Variants in MEGF9 observed in about 807,000 individuals in gnomAD.
MEGF9 encodes the protein multiple epidermal growth factor-like domains protein 9.
MEGF9 carries 6 observed loss-of-function variants against 46.8 expected under a neutral mutation model. The observed-to-expected ratio is 0.13, with a 90% CI of 0.07 to 0.25. The LOEUF (loss-of-function observed/expected upper bound fraction) is 0.25, where lower values mean the gene tolerates loss of function less well. MEGF9 is among the 10% of genes least tolerant of loss of function. The probability of loss-of-function intolerance (pLI) is 1.00; values close to 1 mark genes in which losing one functional copy is unlikely to be tolerated. For missense variants in MEGF9, 683 were observed against 792.4 expected, an observed-to-expected ratio of 0.86 and a Z score of 1.66; for synonymous variants, 302 against 330.7, an observed-to-expected ratio of 0.91 and a Z score of 0.94.
chr9:120,711,871 A>ACACACACACACCC (rs145059704), intron 1 of MEGF9, among the ~76,000 whole-genome samples: 5 of 150,104 alleles, frequency 3.3e-5, no homozygotes, highest in African/African-American at 1.2e-4. Context: ...ACACACACAC[A>ACACACACACACCC]CCCACAGGCC....
At chr9:120,692,678 T>C (rs2043854643) in intron 1 of MEGF9, among the ~76,000 whole-genome samples, 1 of 152,084 alleles carries the variant, frequency 6.6e-6, no homozygotes, top group Admixed American at 6.6e-5. Flanking sequence ...TTCATGTACC[T>C]TTTCCTCCCC....
intron 1 of MEGF9, among the ~76,000 whole-genome samples, chr9:120,675,785 G>A (rs373131443): frequency 6.6e-6 from 1 of 151,246 alleles, no homozygotes; most frequent in Non-Finnish European, 1.5e-5. Context: ...CTACTCTGAA[G>A]GCTGAGGCAG....
At chr9:120,653,657 C>A (rs576162024) in intron 2 of MEGF9, among the ~76,000 whole-genome samples, 2 of 152,182 alleles carry the variant, frequency 1.3e-5, no homozygotes, top group Admixed American at 6.5e-5. Context: ...CAGGCGTGGG[C>A]CACCGCGCCC....
Position 120,605,136 on chromosome 9 carries a change from T to G in MEGF9, c.*54A>C, listed in dbSNP as rs914166767. On this transcript the variant is annotated 3_prime_UTR_variant, in exon 6 of 6. Coordinates refer to ENST00000373930, the MANE Select transcript of MEGF9 (RefSeq NM_001080497.3). This position sits in a 1 kb window ranked among gnomAD's most constrained non-coding sequence, Gnocchi z 4.0. ...GCCAGGCTTTGTCTGGCCCAGGGGC[T>G]GACTCTGTCTTAGCAAGCACTGTGG... 5.2e-6 allele frequency: 8 copies of G among 1,525,488 alleles called. No homozygotes were observed. The highest frequency in any genetic ancestry group is 5.3e-6 in the Non-Finnish European group (6 of 1,132,652). The allele number at this position is 1,525,488 out of a possible 1,614,324, so 94.5% of individuals were successfully genotyped here. A position where few individuals can be genotyped will look rare whatever the true frequency, so the allele number is the denominator to read the frequency against.
In MEGF9 at chr9:120,714,400, C is replaced by A; in HGVS notation, c.-42G>T. 1 of 1,258,666 alleles carries A rather than the reference C, an allele frequency of 7.9e-7. No individual in the cohort carries two copies. The highest frequency in any genetic ancestry group is 4.3e-5 in the Admixed American group (1 of 23,502). The allele number at this position is 1,258,666 out of a possible 1,614,324, so 78.0% of individuals were successfully genotyped here. On this transcript the variant is annotated 5_prime_UTR_variant, in exon 1 of 6. Transcript: ENST00000373930. ...TTGGTCAGTCATCTTCTCCTCGTTGCAATCCGACCAAGGAAGCCTCCGCAA... is the reference window on the plus strand; with the variant it reads ...TTGGTCAGTCATCTTCTCCTCGTTGAAATCCGACCAAGGAAGCCTCCGCAA...
chr9:120,695,529 G>A (rs568982161), intron 1 of MEGF9, among the ~76,000 whole-genome samples: 28 of 149,820 alleles, frequency 1.9e-4, no homozygotes, highest in African/African-American at 7.0e-4. Flanking sequence ...GCTTGAATCT[G>A]GGAGGCGGAG....
intron 1 of MEGF9, among the ~76,000 whole-genome samples, chr9:120,675,749 G>A (rs568155649): frequency 1.8e-4 from 28 of 151,862 alleles, no homozygotes; most frequent in Admixed American, 5.9e-4. Context: ...TTAGCCGGGT[G>A]TGGTGGCGGG....
intron 2 of MEGF9, among the ~76,000 whole-genome samples, chr9:120,653,732 T>A (rs1317716572): frequency 6.6e-6 from 1 of 152,186 alleles, no homozygotes. Flanking sequence ...CCAATAGAAG[T>A]ATAAATTTAT....
At position 120,659,416 on chromosome 9, in the gene MEGF9, C is replaced by T. The variant is rs2043691787; in HGVS notation, c.761G>A (p.Cys254Tyr). The change falls in exon 2 of 6, where the codon TGT becomes TAT. Residue 254 changes from cysteine to tyrosine, a missense_variant. Transcript: ENST00000373930. ...GAGAGCTCCATGTGGACTACAGTCA[C>T]ATGGCTGACAGAGCCCAGAAGTGTA... The part of the protein sequence containing the change: ...LNYTSGLCQP[C>Y]DCSPHGALSI... 6.2e-7 allele frequency: 1 copy of T among 1,613,906 alleles called. No individual in the cohort carries two copies.
rs187839371 is a variant in MEGF9, at chr9:120,640,988, C to T, written c.804-18233G>A. Among the ~76,000 whole-genome samples the T allele has an allele frequency of 3.5e-3, 533 of 152,040 alleles. 2 individuals are homozygous for T. Among genetic ancestry groups the T allele is most frequent in the Admixed American group, 0.012 (176 of 15,268 alleles). On this transcript the variant is annotated intron_variant, in intron 2 of 5. Transcript: ENST00000373930. ...GTTTTCTGTTCCTGCATTAACTTGC[C>T]GAGGATAATGGCCTCCATCTGTATC...
chr9:120,699,632 A>G (rs1217536420), intron 1 of MEGF9, among the ~76,000 whole-genome samples: 2 of 150,584 alleles, frequency 1.3e-5, no homozygotes, highest in Non-Finnish European at 3.0e-5. Context: ...CTGATATGGG[A>G]GGATCACCTG....
At chr9:120,623,440 T>C (rs567892578) in intron 2 of MEGF9, among the ~76,000 whole-genome samples, 9 of 152,338 alleles carry the variant, frequency 5.9e-5, no homozygotes, top group African/African-American at 2.2e-4. Flanking sequence ...AGAAATCTTA[T>C]TGCTTGAAGA....
chr9:120,615,286 T>TGC (rs2043466449), intron 3 of MEGF9, among the ~76,000 whole-genome samples: 1 of 137,812 alleles, frequency 7.3e-6, no homozygotes. Context: ...CGTGTGTGTG[T>TGC]GCATGTGTGT....
chr9:120,636,722 AC>A (rs1357420888), intron 2 of MEGF9, among the ~76,000 whole-genome samples: 4 of 151,932 alleles, frequency 2.6e-5, no homozygotes, highest in Non-Finnish European at 5.9e-5. Flanking sequence ...CCCAGCCGCG[AC>A]CCCGTCTGGG....
At chr9:120,631,553 C>T (rs188776712) in intron 2 of MEGF9, among the ~76,000 whole-genome samples, 1 of 151,312 alleles carries the variant, frequency 6.6e-6, no homozygotes, top group East Asian at 1.9e-4. Flanking sequence ...GGTGCAATCT[C>T]AACTCACTGC....
At chr9:120,629,641 A>G (rs1416069988) in intron 2 of MEGF9, among the ~76,000 whole-genome samples, 3 of 151,862 alleles carry the variant, frequency 2.0e-5, no homozygotes, top group African/African-American at 7.3e-5. Context: ...ACAGTCCCCA[A>G]AAAAATTTTT....
intron 1 of MEGF9, among the ~76,000 whole-genome samples, chr9:120,687,001 A>G (rs1219133571): frequency 6.6e-6 from 1 of 151,972 alleles, no homozygotes; most frequent in Non-Finnish European, 1.5e-5. Flanking sequence ...ATTCCTGAGA[A>G]ATGCTGAAAT....
chr9:120,713,997 C>G lies in MEGF9; in HGVS notation c.362G>C (p.Gly121Ala). The G allele has an allele frequency of 7.2e-7, 1 of 1,384,796 alleles. No individual in the cohort carries two copies. The highest frequency in any genetic ancestry group is 2.7e-5 in the Admixed American group (1 of 36,388). 85.8% of individuals were successfully genotyped at this position (1,384,796 alleles called of 1,614,324 possible). A position where few individuals can be genotyped will look rare whatever the true frequency, so the allele number is the denominator to read the frequency against. The part of the protein sequence containing the change: ...PSSTTFQAPL[G>A]PSPTTPPAAE... ...CGCCGGAGGGGTGGTCGGCGAGGGG[C>G]CGAGCGGCGCCTGAAAGGTGGTGGA... Residue 121 changes from glycine to alanine, a missense_variant, in exon 1 of 6, where the codon GGC (glycine) becomes GCC (alanine). Around this residue, in one of 2 missense-constraint regions of MEGF9, gnomAD observed 370 missense variants for 371.3 expected, o/e 1.00. Coordinates refer to ENST00000373930, the MANE Select transcript of MEGF9 (RefSeq NM_001080497.3).
rs2043969965 is a variant in MEGF9, at chr9:120,714,443, A to G, written c.-85T>C. The G allele has an allele frequency of 1.1e-5, 12 of 1,128,714 alleles. No individual in the cohort carries two copies. In the South Asian group the frequency reaches 4.1e-4, roughly 38 times the overall value. 69.9% of individuals were successfully genotyped at this position (1,128,714 alleles called of 1,614,324 possible). A position where few individuals can be genotyped will look rare whatever the true frequency, so the allele number is the denominator to read the frequency against. On this transcript the variant is annotated 5_prime_UTR_variant, in exon 1 of 6. Coordinates refer to ENST00000373930, the MANE Select transcript of MEGF9 (RefSeq NM_001080497.3). ...CTCCGCAACCGCCGCCGCCACCGCC[A>G]CCGGGCGCACCATCGCCACCTCCCT...
Sources: allele counts gnomAD v4.1 joint callset (sites outside exome capture counted in the v4.1 genomes callset), GRCh38; gene constraint gnomAD v4.1.1; regional missense constraint gnomAD v4.1.1; non-coding constraint Gnocchi (gnomAD v3.1); transcripts MANE v1.5; gene names NCBI Gene and HGNC (gene_info 2026-07-23, HGNC 2026-07-21).